The following NDRG1 variants were observed in gnomAD, a reference collection of about 807,000 sequenced individuals.
The protein encoded by NDRG1 is protein NDRG1.
A neutral mutation model predicts 56.9 loss-of-function variants in NDRG1; 32 were observed. The observed-to-expected ratio is 0.56, with a 90% CI of 0.42 to 0.76. The LOEUF (loss-of-function observed/expected upper bound fraction) is 0.76. NDRG1 is among the 30% of genes least tolerant of loss of function. The probability of loss-of-function intolerance (pLI) is 0.00; values close to 1 mark genes in which losing one functional copy is unlikely to be tolerated. For synonymous variants in NDRG1, 211 were observed against 204.1 expected (o/e 1.03, Z -0.29); for missense variants, 507 against 545.7 (o/e 0.93, Z 0.71).
rs879913828 is a variant in NDRG1, at chr8:133,296,688, GACACAGACAC to G, written c.-19+436_-19+445del. ...CTCGCGCGCAATCTCTCCGTTCCCA[GACACAGACAC>G]ACACACACACACACACACACACACA... On this transcript the variant is annotated intron_variant, in intron 1 of 15. Transcript: ENST00000323851. 500 of 312,318 alleles carry G rather than the reference GACACAGACAC, an allele frequency of 1.6e-3. 4 individuals carry two copies. Among genetic ancestry groups the G allele is most frequent in the African/African-American group, 0.011 (357 of 32,164 alleles). 19.3% of individuals were successfully genotyped at this position (312,318 alleles called of 1,614,324 possible).
At chr8:133,258,227 A>C (rs977272126) in intron 7 of NDRG1, 139 bp downstream of exon 7, 3 of 219,004 alleles carry the variant, frequency 1.4e-5, no homozygotes, top group African/African-American at 4.8e-5. Context: ...CCCATGCACC[A>C]CACACACACA....
intron 4 of NDRG1, 43 bp from the exon 5 acceptor site, chr8:133,262,210 G>A: frequency 6.2e-7 from 1 of 1,612,516 alleles, no homozygotes; most frequent in Non-Finnish European, 8.5e-7. Context: ...AAAGTAAGAT[G>A]AGAAAAAAAT....
intron 3 of NDRG1, among the ~76,000 whole-genome samples, chr8:133,274,292 G>C (rs1857344678): frequency 6.6e-6 from 1 of 152,200 alleles, no homozygotes; most frequent in Non-Finnish European, 1.5e-5. Context: ...CGAGCTCTGG[G>C]CTCAGTGTGT....
chr8:133,244,462 G>GACT (rs1406240917), intron 13 of NDRG1, 72 bp from the exon 14 acceptor site: 12 of 1,580,380 alleles, frequency 7.6e-6, no homozygotes, highest in Admixed American at 1.7e-5. Flanking sequence ...AATTTTTTCC[G>GACT]AAAGGATGCC....
intron 14 of NDRG1, among the ~76,000 whole-genome samples, chr8:133,243,919 T>A (rs1366036588): frequency 1.3e-5 from 2 of 151,794 alleles, no homozygotes; most frequent in African/African-American, 4.8e-5. Flanking sequence ...CATTTACACA[T>A]GCACACAGAC....
At chr8:133,284,123 G>T in intron 2 of NDRG1, 126 bp downstream of exon 2, 2 of 835,982 alleles carry the variant, frequency 2.4e-6, no homozygotes, top group Non-Finnish European at 2.0e-6. Flanking sequence ...CCGTGTGTAT[G>T]CTGTATACAT....
intron 5 of NDRG1, 117 bp downstream of exon 5, chr8:133,261,930 A>G: frequency 2.2e-6 from 3 of 1,373,442 alleles, no homozygotes; most frequent in Non-Finnish European, 2.0e-6. Context: ...AGTGCTTAAG[A>G]TGATACGTTT....
At chr8:133,278,948 C>G (rs556990248) in intron 3 of NDRG1, among the ~76,000 whole-genome samples, 1 of 148,328 alleles carries the variant, frequency 6.7e-6, no homozygotes. Context: ...TGGAGTGCAA[C>G]GACGTGGTCT....
At chr8:133,284,724 T>C (rs140209475) in intron 1 of NDRG1, 3 of 461,156 alleles carry the variant, frequency 6.5e-6, no homozygotes, top group Non-Finnish European at 1.3e-5. Flanking sequence ...CGTGTGACAA[T>C]GAAAGGGGAA....
chr8:133,262,159 AG>A lies in NDRG1; in HGVS notation c.213del (p.Cys72AlafsTer60), dbSNP rs1563626913. The A allele has an allele frequency of 6.2e-7, 1 of 1,614,062 alleles. No homozygotes were observed. The highest frequency in any genetic ancestry group is 8.5e-7 in the Non-Finnish European group (1 of 1,180,018). On this transcript the variant is annotated frameshift_variant, in exon 5 of 16. Transcript: ENST00000323851. LOFTEE classifies it high-confidence loss of function. ...TYHDIGMNHK[T>X]CYNPLFNYED... is the part of the protein sequence containing the mutation. ...TCGTAGTTGAAGAGGGGGTTGTAGC[AG>A]GTTTTGTCTGAAGAACAGCAGTGAG...
intron 8 of NDRG1, chr8:133,256,272 C>A: frequency 6.2e-6 from 1 of 162,404 alleles, no homozygotes; most frequent in Non-Finnish European, 1.4e-5. Flanking sequence ...ATGAAACTAG[C>A]ACATGGTAAA....
intron 3 of NDRG1, among the ~76,000 whole-genome samples, chr8:133,265,163 C>T (rs914790013): frequency 2.5e-4 from 38 of 152,350 alleles, no homozygotes; most frequent in African/African-American, 8.7e-4. Context: ...TGACCCCCCT[C>T]CCCACGTTTC....
intron 1 of NDRG1, chr8:133,296,694 G>GACACACACACACACAC (rs36215434): frequency 3.7e-6 from 1 of 269,374 alleles, no homozygotes; most frequent in South Asian, 2.8e-5. Context: ...CCCAGACACA[G>GACACACACACACACAC]ACACACACAC....
rs1855196769 is a variant in NDRG1, at chr8:133,238,666, G to C, written c.*212C>G. ...AAGAGGATGCGATGCGGAGATGCTT[G>C]CTTCCTTCCTTTGGTCCACCGCCAC... On this transcript the variant is annotated 3_prime_UTR_variant, in exon 16 of 16. Transcript: ENST00000323851. 1 of 618,128 alleles carries C rather than the reference G, an allele frequency of 1.6e-6. No homozygotes were observed. The highest frequency in any genetic ancestry group is 3.0e-5 in the Admixed American group (1 of 33,126). The allele number at this position is 618,128 out of a possible 1,614,324, so 38.3% of individuals were successfully genotyped here. A position where few individuals can be genotyped will look rare whatever the true frequency, so the allele number is the denominator to read the frequency against.
chr8:133,246,801 T>C (rs1317647524), intron 12 of NDRG1, 138 bp from the exon 13 acceptor site: 1 of 837,216 alleles, frequency 1.2e-6, no homozygotes, highest in Admixed American at 1.9e-5. Context: ...GTGGAGTTAT[T>C]GGGATTCAGC....
At chr8:133,284,867 A>G (rs1192093731) in intron 1 of NDRG1, 1 of 456,338 alleles carries the variant, frequency 2.2e-6, no homozygotes, top group East Asian at 7.0e-5. Context: ...ACACATACAC[A>G]CCCCACGGTG....
At chr8:133,267,661 A>T (rs1461577533) in intron 3 of NDRG1, among the ~76,000 whole-genome samples, 1 of 152,110 alleles carries the variant, frequency 6.6e-6, no homozygotes, top group Non-Finnish European at 1.5e-5. Context: ...CACATTCTTC[A>T]TTGTCTCCCC....
At chr8:133,250,911 A>T (rs1254107873) in intron 9 of NDRG1, among the ~76,000 whole-genome samples, 1 of 148,650 alleles carries the variant, frequency 6.7e-6, no homozygotes, top group Non-Finnish European at 1.5e-5. Flanking sequence ...GATCTCTTAA[A>T]AAAAAAAAAA....
chr8:133,262,272 G>A (rs1381258630), intron 4 of NDRG1, 105 bp from the exon 5 acceptor site: 2 of 1,415,290 alleles, frequency 1.4e-6, no homozygotes, highest in East Asian at 4.6e-5. Context: ...CTATTCAGAA[G>A]TAGGAAGTGA....
Sources: gnomAD v4.1 joint callset for allele counts (sites outside exome capture counted in the v4.1 genomes callset) on GRCh38, gnomAD v4.1.1 for gene constraint, MANE v1.5 for transcripts, NCBI Gene and HGNC (gene_info 2026-07-23, HGNC 2026-07-21) for gene names.